STIM2: variants seen among roughly 807,000 people sequenced by gnomAD.
The protein encoded by STIM2 is stromal interaction molecule 2.
A neutral mutation model predicts 85.8 loss-of-function variants in STIM2; 31 were observed. That is an observed-to-expected ratio of 0.36 (90% CI 0.27 to 0.49). STIM2 has a LOEUF of 0.49. Among genes scored for constraint, STIM2 ranks in the 20% least tolerant of loss-of-function variants. The pLI is 0.98. For missense variants in STIM2, 841 were observed against 927.6 expected (o/e 0.91, Z 1.21); for synonymous variants, 356 against 331.1 (o/e 1.08, Z -0.82).
At chr4:26,873,078 G>C (rs1722686247) in intron 1 of STIM2, among the ~76,000 whole-genome samples, 1 of 152,194 alleles carries the variant, frequency 6.6e-6, no homozygotes. Context: ...GAGCCTCATA[G>C]ACCTTGTTAC....
chr4:26,975,305 TGGA>T (rs1365718006), intron 3 of STIM2, among the ~76,000 whole-genome samples: 1 of 152,350 alleles, frequency 6.6e-6, no homozygotes, highest in African/African-American at 2.4e-5. Flanking sequence ...TGCAATCCTT[TGGA>T]GGAGAAGGGG....
rs765233222 is a variant in STIM2, at chr4:27,003,010, A to C, written c.887A>C (p.Tyr296Ser). Residue 296 changes from tyrosine to serine, a missense_variant, in exon 7 of 12, where the codon TAT becomes TCT. Tyr to Ser is a moderately radical substitution (Grantham distance 144). Around this residue, in one of 3 missense-constraint regions of STIM2, gnomAD observed 408 missense variants for 525.4 expected, o/e 0.78. Coordinates refer to ENST00000467087, the MANE Select transcript of STIM2 (RefSeq NM_020860.4). ...CGCAAAATGATGGATGAAATCAATT[A>C]TGCAAAGGAGGAGGCTTGTCGGCTG... is the stretch of plus-strand genomic sequence containing the variant. 6.2e-7 allele frequency: 1 copy of C among 1,603,728 alleles called. No individual in the cohort carries two copies. Among genetic ancestry groups the C allele is most frequent in the Admixed American group, 1.7e-5 (1 of 57,718 alleles).
intron 3 of STIM2, among the ~76,000 whole-genome samples, chr4:26,962,727 C>T (rs983677826): frequency 3.3e-5 from 5 of 151,912 alleles, no homozygotes; most frequent in Non-Finnish European, 7.4e-5. Context: ...AAACTGGATA[C>T]ATTGTGAGAA....
intron 2 of STIM2, among the ~76,000 whole-genome samples, chr4:26,921,229 T>G (rs1288883665): frequency 6.6e-6 from 1 of 152,174 alleles, no homozygotes; most frequent in Non-Finnish European, 1.5e-5. Flanking sequence ...TACCAGAAGC[T>G]AAGAGAAAGG....
At chr4:26,976,334 G>A (rs1312857708) in intron 3 of STIM2, among the ~76,000 whole-genome samples, 2 of 151,190 alleles carry the variant, frequency 1.3e-5, no homozygotes, top group South Asian at 4.2e-4. Context: ...CATGGATCAC[G>A]CTGGGAGCTG....
intron 1 of STIM2, among the ~76,000 whole-genome samples, chr4:26,870,297 C>CAA (rs36094333): frequency 3.5e-4 from 42 of 118,442 alleles, no homozygotes; most frequent in African/African-American, 9.7e-4. Flanking sequence ...CTTAACACAC[C>CAA]AAAAAAAAAA....
At chr4:26,918,635 C>T (rs921653552) in intron 1 of STIM2, among the ~76,000 whole-genome samples, 2 of 152,146 alleles carry the variant, frequency 1.3e-5, no homozygotes, top group South Asian at 4.1e-4. Flanking sequence ...AGAATTTTGT[C>T]AGTCCGCCAG....
At chr4:26,884,305 A>C (rs765237717) in intron 1 of STIM2, among the ~76,000 whole-genome samples, 7 of 152,174 alleles carry the variant, frequency 4.6e-5, no homozygotes, top group Admixed American at 3.3e-4. Context: ...ATACCCACTT[A>C]ATAGGGTTGT....
chr4:26,923,419 C>G (rs540299529), intron 2 of STIM2, among the ~76,000 whole-genome samples: 7 of 151,860 alleles, frequency 4.6e-5, no homozygotes, highest in African/African-American at 1.7e-4. Context: ...TCATATCCAG[C>G]CAAACTAAGC....
At chr4:26,907,857 C>G (rs1724187462) in intron 1 of STIM2, among the ~76,000 whole-genome samples, 1 of 152,206 alleles carries the variant, frequency 6.6e-6, no homozygotes, top group Non-Finnish European at 1.5e-5. Flanking sequence ...AGTCCCTGGT[C>G]TGGCCTCATT....
intron 3 of STIM2, among the ~76,000 whole-genome samples, chr4:26,976,312 A>G (rs1258465871): frequency 1.3e-5 from 2 of 149,116 alleles, no homozygotes; most frequent in Non-Finnish European, 3.0e-5. Context: ...TGCAGAAATC[A>G]CCTGTCTTCT....
At chr4:26,881,915 A>G (rs1462799995) in intron 1 of STIM2, among the ~76,000 whole-genome samples, 3 of 152,194 alleles carry the variant, frequency 2.0e-5, no homozygotes, top group Admixed American at 6.5e-5. Context: ...GAAGCATACT[A>G]TTAAGTTAAA....
intron 1 of STIM2, among the ~76,000 whole-genome samples, chr4:26,904,142 G>T (rs571918894): frequency 7.7e-6 from 1 of 129,614 alleles, no homozygotes; most frequent in South Asian, 2.4e-4. Context: ...TCCCCTTCCT[G>T]TGTCCATGTG....
intron 7 of STIM2, among the ~76,000 whole-genome samples, chr4:27,006,579 G>A (rs899916774): frequency 6.6e-6 from 1 of 152,120 alleles, no homozygotes; most frequent in Non-Finnish European, 1.5e-5. Flanking sequence ...GAAAGCTCTT[G>A]CTAGTTTTTA....
intron 1 of STIM2, among the ~76,000 whole-genome samples, chr4:26,876,457 G>C (rs1722818930): frequency 1.3e-5 from 2 of 152,018 alleles, no homozygotes; most frequent in African/African-American, 2.4e-5. Context: ...GCCCTGCCTT[G>C]CTTTACTCTT....
At chr4:26,946,217 G>A (rs552549199) in intron 2 of STIM2, among the ~76,000 whole-genome samples, 3 of 152,262 alleles carry the variant, frequency 2.0e-5, no homozygotes, top group South Asian at 4.1e-4. Context: ...TAATGCTTGA[G>A]TAATGAGTTA....
In STIM2 at chr4:26,972,554, G is replaced by A. The variant is rs879436570; in HGVS notation, c.397+14828G>A. ...TGCTGGATTACGTTCATTGATTTGC[G>A]TATGTTGAACCAGCCTTACATCTGA... On this transcript the variant is annotated intron_variant, in intron 3 of 11. Transcript: ENST00000467087. Among the ~76,000 whole-genome samples, 39 of 152,126 alleles carry A rather than the reference G, an allele frequency of 2.6e-4. 1 individual carries two copies. The highest frequency in any genetic ancestry group is 1.4e-3 in the Admixed American group (22 of 15,272).
intron 2 of STIM2, among the ~76,000 whole-genome samples, chr4:26,944,552 A>G (rs1725741237): frequency 1.3e-5 from 2 of 152,182 alleles, no homozygotes; most frequent in Non-Finnish European, 2.9e-5. Flanking sequence ...TTTTATCTCA[A>G]TGCAAATTAA....
At chr4:26,917,948 C>T (rs914646583) in intron 1 of STIM2, among the ~76,000 whole-genome samples, 5 of 152,056 alleles carry the variant, frequency 3.3e-5, no homozygotes, top group African/African-American at 4.8e-5. Context: ...CTTGATTGTT[C>T]TGTGAATTAG....
Sources: gnomAD v4.1 joint callset for allele counts (sites outside exome capture counted in the v4.1 genomes callset) on GRCh38, gnomAD v4.1.1 for gene constraint, gnomAD v4.1.1 regional missense constraint, MANE v1.5 for transcripts, NCBI Gene and HGNC (gene_info 2026-07-23, HGNC 2026-07-21) for gene names.